The following EPHA2 variants were observed in gnomAD, a reference collection of about 807,000 sequenced individuals.
The protein encoded by EPHA2 is EPH receptor A2.
EPHA2 carries 54 observed loss-of-function variants against 104.9 expected under a neutral mutation model. The ratio of observed to expected loss-of-function variants is 0.51; its 90% CI spans 0.41 to 0.65. The LOEUF is 0.65. Among genes scored for constraint, EPHA2 ranks in the 30% least tolerant of loss-of-function variants. The pLI, the probability that EPHA2 is intolerant of heterozygous loss-of-function variation, is 0.00. For missense variants in EPHA2, 1,117 were observed against 1,369.5 expected (o/e 0.82, Z 2.91); for synonymous variants, 560 against 559.1 (o/e 1.00, Z -0.02).
chr1:16,127,639 GT>G (rs1225373226), intron 16 of EPHA2, among the ~76,000 whole-genome samples: 1 of 152,144 alleles, frequency 6.6e-6, no homozygotes, highest in Non-Finnish European at 1.5e-5. Flanking sequence ...CAGGCTTCAG[GT>G]TTTAAAAAGT....
At position 16,129,562 on chromosome 1, in the gene EPHA2, G is replaced by T; in HGVS notation, c.2697C>A (p.Ser899Arg). The change falls in exon 16 of 17, where the codon AGC becomes AGA. Residue 899 changes from serine (S) to arginine (R), a missense_variant. Ser to Arg is a moderately radical substitution (Grantham distance 110, BLOSUM62 -1). Transcript: ENST00000358432. ...TGCGGAAGGGCACCCCCTCCGAGCC[G>T]CTCGTGCTGGGGAGCCGGATAGACA... is the stretch of plus-strand genomic sequence containing the variant. ...PRVSIRLPST[S>R]GSEGVPFRTV... 6.2e-7 allele frequency: 1 copy of T among 1,612,460 alleles called. No individual in the cohort carries two copies. The highest frequency in any genetic ancestry group is 8.5e-7 in the Non-Finnish European group (1 of 1,179,914).
chr1:16,135,463 G>A lies in EPHA2; in HGVS notation c.1428+192C>T. 1.4e-6 allele frequency: 1 copy of A among 723,284 alleles called. No homozygotes were observed. Among genetic ancestry groups the A allele is most frequent in the Non-Finnish European group, 2.4e-6 (1 of 414,366 alleles). The allele number at this position is 723,284 out of a possible 1,614,324, so 44.8% of individuals were successfully genotyped here. A position where few individuals can be genotyped will look rare whatever the true frequency, so the allele number is the denominator to read the frequency against. On this transcript the variant is annotated intron_variant, in intron 6 of 16. Coordinates refer to ENST00000358432, the MANE Select transcript of EPHA2 (RefSeq NM_004431.5). The surrounding 1 kb of genome is among the most constrained non-coding windows in gnomAD (Gnocchi z 4.3). ...TGACTGCCTCTTCCAAGGACGCCAT[G>A]TCTTCTCTCGTACAAATCTCTGCTG...
In EPHA2 at chr1:16,125,313, T is replaced by C. The variant is rs772216604; in HGVS notation, c.2833A>G (p.Lys945Glu). 18 of 1,606,820 alleles carry C rather than the reference T, an allele frequency of 1.1e-5. No homozygotes were observed. Among genetic ancestry groups the C allele is most frequent in the Admixed American group, 6.8e-5 (4 of 58,792 alleles). Reference protein sequence around the residue: ...KVVQMTNDDIKRIGVRLPGHQ... With the variant: ...KVVQMTNDDIERIGVRLPGHQ... ...CCGGGCAGCCGCACCCCAATCCTCT[T>C]GATGTCGCTGTGGGCCGGGAGGGAG... The change falls in exon 17 of 17, where the codon AAG becomes GAG. Residue 945 changes from lysine to glutamate, a missense_variant. Physicochemically the swap from Lys to Glu is moderately conservative, Grantham distance 56. This residue lies in a region of EPHA2 where 340 missense variants were observed against 480.5 expected (regional missense o/e 0.71). Transcript: ENST00000358432. This position sits in a 1 kb window ranked among gnomAD's most constrained non-coding sequence, Gnocchi z 4.9.
intron 3 of EPHA2, chr1:16,146,523 G>C (rs558395415): frequency 2.6e-5 from 4 of 152,268 alleles, no homozygotes; most frequent in African/African-American, 7.2e-5. Context: ...GGGCTGCCTC[G>C]TCCCGGCCCC....
At chr1:16,145,667 C>A (rs2024919423) in intron 3 of EPHA2, among the ~76,000 whole-genome samples, 1 of 152,126 alleles carries the variant, frequency 6.6e-6, no homozygotes, top group African/African-American at 2.4e-5. Context: ...CTGCCTCCAA[C>A]AGAGCCCCCA....
chr1:16,133,419 G>A (rs762844019), intron 10 of EPHA2, 51 bp from the exon 11 acceptor site: 2 of 1,613,758 alleles, frequency 1.2e-6, no homozygotes, highest in African/African-American at 1.3e-5. Context: ...CGGCATGAGG[G>A]CTCCCACACT....
In EPHA2 at chr1:16,148,238, A is replaced by T. The variant is rs2024968088; in HGVS notation, c.823+140T>A. 1 of 1,071,360 alleles carries T rather than the reference A, an allele frequency of 9.3e-7. No individual in the cohort carries two copies. The highest frequency in any genetic ancestry group is 1.8e-5 in the Admixed American group (1 of 54,476). The allele number at this position is 1,071,360 out of a possible 1,614,324, so 66.4% of individuals were successfully genotyped here. A position where few individuals can be genotyped will look rare whatever the true frequency, so the allele number is the denominator to read the frequency against. ...CTTAATAAGGAAACTGATGTCTGGGAAGGATCTATAATTTCCACTAACAGA... is the reference window on the plus strand; with the variant it reads ...CTTAATAAGGAAACTGATGTCTGGGTAGGATCTATAATTTCCACTAACAGA... On this transcript the variant is annotated intron_variant, in intron 3 of 16. Coordinates refer to ENST00000358432, the MANE Select transcript of EPHA2 (RefSeq NM_004431.5). The surrounding 1 kb of genome is among the most constrained non-coding windows in gnomAD (Gnocchi z 4.9).
intron 3 of EPHA2, among the ~76,000 whole-genome samples, chr1:16,144,345 A>AG (rs1434297676): frequency 1.3e-5 from 2 of 152,170 alleles, no homozygotes; most frequent in African/African-American, 4.8e-5. Flanking sequence ...ACTTCCCAGC[A>AG]GGGGACAAAG....
chr1:16,134,978 T>C lies in EPHA2; in HGVS notation c.1582+58A>G, dbSNP rs1049484365. 3 of 1,598,706 alleles carry C rather than the reference T, an allele frequency of 1.9e-6. No homozygotes were observed. In the African/African-American group the frequency reaches 4.0e-5, roughly 21 times the overall value. On this transcript the variant is annotated intron_variant, in intron 7 of 16. Transcript: ENST00000358432. The surrounding 1 kb of genome is among the most constrained non-coding windows in gnomAD (Gnocchi z 4.5). The stretch of plus-strand genomic sequence containing the variant: ...TTGATTCACTTCCTTTCCCAAGATG[T>C]CTCAATTGCTTGGTTCTGGGCCCTG...
chr1:16,152,190 C>T (rs1363541189), intron 1 of EPHA2, among the ~76,000 whole-genome samples: 1 of 152,200 alleles, frequency 6.6e-6, no homozygotes, highest in East Asian at 1.9e-4. Flanking sequence ...TCAGAAGCCC[C>T]ATTCCTCAAG....
intron 1 of EPHA2, among the ~76,000 whole-genome samples, chr1:16,151,912 T>A (rs763870476): frequency 6.6e-6 from 1 of 152,174 alleles, no homozygotes. Flanking sequence ...GTCCTGCCAT[T>A]GGGCACCTCC....
chr1:16,156,006 C>T lies in EPHA2; in HGVS notation c.-74G>A, dbSNP rs915661144. ...CACCCGCACGCCTGCACGCCGGCCTCGGTGTCCGCTCCCGCCCGCCGGCCT... is the reference window on the plus strand; with the variant it reads ...CACCCGCACGCCTGCACGCCGGCCTTGGTGTCCGCTCCCGCCCGCCGGCCT... On this transcript the variant is annotated 5_prime_UTR_variant, in exon 1 of 17. Transcript: ENST00000358432. 6 of 1,297,232 alleles carry T rather than the reference C, an allele frequency of 4.6e-6. No individual in the cohort carries two copies. The African/African-American group carries it at 9.4e-5, about 20-fold the overall frequency. 80.4% of individuals were successfully genotyped at this position (1,297,232 alleles called of 1,614,324 possible).
rs1306929382 is a variant in EPHA2, at chr1:16,150,182, GC to G, written c.153+713del. ...CCAGCTCTGGGAACTATTCCAAGTA[GC>G]CCCTGGGAGACAGCCCCCTTTCTCA... On this transcript the variant is annotated intron_variant, in intron 2 of 16. Coordinates refer to ENST00000358432, the MANE Select transcript of EPHA2 (RefSeq NM_004431.5). The surrounding 1 kb of genome is among the most constrained non-coding windows in gnomAD (Gnocchi z 4.8). Among the ~76,000 whole-genome samples the G allele has an allele frequency of 6.6e-6, 1 of 152,148 alleles. No homozygotes were observed. Among genetic ancestry groups the G allele is most frequent in the Non-Finnish European group, 1.5e-5 (1 of 68,030 alleles).
At position 16,125,368 on chromosome 1, in the gene EPHA2, A is replaced by T; in HGVS notation, c.2826-48T>A. 37 of 74,548 alleles carry T rather than the reference A, an allele frequency of 5.0e-4. No homozygotes were observed. Among genetic ancestry groups the T allele is most frequent in the Non-Finnish European group, 8.8e-4 (31 of 35,360 alleles). The allele number at this position is 74,548 out of a possible 1,614,324, so 4.6% of individuals were successfully genotyped here. ...GGAGAGTTAGGGGCTGGAGCAGGGG[A>T]GGGGGCCGGGCTGGGTGGGGACAGG... On this transcript the variant is annotated intron_variant, in intron 16 of 16. Transcript: ENST00000358432. The surrounding 1 kb of genome is among the most constrained non-coding windows in gnomAD (Gnocchi z 4.9).
chr1:16,146,290 GC>G (rs2024931753), intron 3 of EPHA2: 1 of 152,190 alleles, frequency 6.6e-6, no homozygotes, highest in Admixed American at 6.5e-5. Flanking sequence ...CCAACAGGGG[GC>G]TGCTCGGCTC....
In EPHA2 at chr1:16,135,612, C is replaced by G. The variant is rs749919388; in HGVS notation, c.1428+43G>C. On this transcript the variant is annotated intron_variant, in intron 6 of 16. Coordinates refer to ENST00000358432, the MANE Select transcript of EPHA2 (RefSeq NM_004431.5). This position sits in a 1 kb window ranked among gnomAD's most constrained non-coding sequence, Gnocchi z 4.3. Reference sequence around the variant, plus strand: ...ATCTATGTGACCAGCCTGTCCCCTGCTGTCGGCCCAGCTAGAGCCAGCCCC... The same window carrying G: ...ATCTATGTGACCAGCCTGTCCCCTGGTGTCGGCCCAGCTAGAGCCAGCCCC... The G allele has an allele frequency of 6.4e-7, 1 of 1,567,146 alleles. No homozygotes were observed. Among genetic ancestry groups the G allele is most frequent in the East Asian group, 2.2e-5 (1 of 44,632 alleles).
In EPHA2 at chr1:16,134,057, C is replaced by T. The variant is rs2024633140; in HGVS notation, c.1683-142G>A. Reference sequence around the variant, plus strand: ...CCAGTCCCCGCTTTTGCTGCCCAAGCTCCACTCTCAGGGCCGAGGGTGCGG... The same window carrying T: ...CCAGTCCCCGCTTTTGCTGCCCAAGTTCCACTCTCAGGGCCGAGGGTGCGG... On this transcript the variant is annotated intron_variant, in intron 8 of 16. Coordinates refer to ENST00000358432, the MANE Select transcript of EPHA2 (RefSeq NM_004431.5). This position sits in a 1 kb window ranked among gnomAD's most constrained non-coding sequence, Gnocchi z 4.5. 2.4e-6 allele frequency: 2 copies of T among 836,760 alleles called. No individual in the cohort carries two copies. The highest frequency in any genetic ancestry group is 5.4e-5 in the East Asian group (2 of 37,224). The allele number at this position is 836,760 out of a possible 1,614,324, so 51.8% of individuals were successfully genotyped here. A position where few individuals can be genotyped will look rare whatever the true frequency, so the allele number is the denominator to read the frequency against.
rs1276726241 is a variant in EPHA2 at position 16,130,480 on chromosome 1, T to C, written c.2476-61A>G. 6.7e-7 allele frequency: 1 copy of C among 1,482,910 alleles called. No homozygotes were observed. The highest frequency in any genetic ancestry group is 2.3e-5 in the East Asian group (1 of 42,960). 91.9% of individuals were successfully genotyped at this position (1,482,910 alleles called of 1,614,324 possible). A position where few individuals can be genotyped will look rare whatever the true frequency, so the allele number is the denominator to read the frequency against. ...AAAGCCACTGAAACCCTCTGCAGCC[T>C]CCAGCCTATGGAGGTGGGCAGGGGA... On this transcript the variant is annotated intron_variant, in intron 14 of 16. Transcript: ENST00000358432. The surrounding 1 kb of genome is among the most constrained non-coding windows in gnomAD (Gnocchi z 4.5).
In EPHA2 at chr1:16,134,061, A is replaced by C; in HGVS notation, c.1683-146T>G. On this transcript the variant is annotated intron_variant, in intron 8 of 16. Transcript: ENST00000358432. This position sits in a 1 kb window ranked among gnomAD's most constrained non-coding sequence, Gnocchi z 4.5. ...TCCCCGCTTTTGCTGCCCAAGCTCC[A>C]CTCTCAGGGCCGAGGGTGCGGAGAA... 3 of 802,226 alleles carry C rather than the reference A, an allele frequency of 3.7e-6. No individual in the cohort carries two copies. The highest frequency in any genetic ancestry group is 1.9e-6 in the Non-Finnish European group (1 of 516,160). The allele number at this position is 802,226 out of a possible 1,614,324, so 49.7% of individuals were successfully genotyped here.
Sources: allele counts gnomAD v4.1 joint callset (sites outside exome capture counted in the v4.1 genomes callset), GRCh38; gene constraint gnomAD v4.1.1; regional missense constraint gnomAD v4.1.1; non-coding constraint Gnocchi (gnomAD v3.1); transcripts MANE v1.5; gene names NCBI Gene and HGNC (gene_info 2026-07-23, HGNC 2026-07-21).